The following RBFOX1 variants were observed in gnomAD, a reference collection of about 807,000 sequenced individuals.
RBFOX1 encodes the protein RNA binding fox-1 homolog 1.
In RBFOX1, 8 loss-of-function variants were observed where a neutral mutation model predicts 57.7. That is an observed-to-expected ratio of 0.14 (90% CI 0.08 to 0.25). RBFOX1 has a LOEUF of 0.25. Ranked by LOEUF, RBFOX1 falls within the 10% of genes least tolerant of loss-of-function variation. The probability of loss-of-function intolerance (pLI) is 1.00; values close to 1 mark genes in which losing one functional copy is unlikely to be tolerated. For missense variants in RBFOX1, 611 were observed against 548.5 expected (o/e 1.11, Z -1.14); for synonymous variants, 326 against 222.4 (o/e 1.47, Z -4.15).
chr16:6,339,851 C>G (rs1001128355), intron 2 of RBFOX1, among the ~76,000 whole-genome samples: 3 of 151,114 alleles, frequency 2.0e-5, no homozygotes. Context: ...TTTTTTATTT[C>G]TATTTTTAGT....
chr16:5,371,495 C>G (rs114620333), intron 1 of RBFOX1, among the ~76,000 whole-genome samples: 1,523 of 152,280 alleles, frequency 0.01, 29 homozygotes, highest in African/African-American at 0.035. Context: ...CTGTGCAACA[C>G]AAATCTCTGT....
At chr16:6,905,652 T>G (rs902517576) in intron 3 of RBFOX1, among the ~76,000 whole-genome samples, 3 of 152,082 alleles carry the variant, frequency 2.0e-5, no homozygotes, top group Admixed American at 6.5e-5. Context: ...TTAGCAACAT[T>G]GCCCCCACCA....
intron 4 of RBFOX1, among the ~76,000 whole-genome samples, chr16:5,994,814 T>C (rs1204254331): frequency 6.6e-6 from 1 of 152,198 alleles, no homozygotes; most frequent in African/African-American, 2.4e-5. Flanking sequence ...TTCTCCACTA[T>C]ATTTCAGGGC....
At chr16:5,769,450 G>A (rs552757545) in intron 3 of RBFOX1, among the ~76,000 whole-genome samples, 1 of 150,880 alleles carries the variant, frequency 6.6e-6, no homozygotes, top group African/African-American at 2.4e-5. Context: ...AAACCAGCCT[G>A]GCCAACATGA....
At chr16:7,627,023 A>G (rs1462431526) in intron 10 of RBFOX1, among the ~76,000 whole-genome samples, 2 of 152,022 alleles carry the variant, frequency 1.3e-5, no homozygotes, top group Non-Finnish European at 2.9e-5. Context: ...GCAAGATAAG[A>G]GCATAGTGTA....
rs527404893 is a variant in RBFOX1, at chr16:7,006,159, TA to T, written c.-15-45897del. On this transcript the variant is annotated intron_variant, in intron 3 of 15. Transcript: ENST00000550418. ...ATGTCATTAAATTTATTTATTTATT[TA>T]TTTTTTTTTGAGATGGAGTCTCACT... is the stretch of plus-strand genomic sequence containing the variant. 2.0e-3 allele frequency among the ~76,000 whole-genome samples: 307 copies of T among 152,214 alleles called. 1 individual carries two copies. Among genetic ancestry groups the T allele is most frequent in the African/African-American group, 6.3e-3 (263 of 41,522 alleles).
At chr16:7,706,134 C>G (rs927187629) in intron 14 of RBFOX1, among the ~76,000 whole-genome samples, 3 of 152,176 alleles carry the variant, frequency 2.0e-5, no homozygotes, top group Non-Finnish European at 1.5e-5. Context: ...CTCAAGTCCA[C>G]ATCTTCCCCA....
intron 4 of RBFOX1, among the ~76,000 whole-genome samples, chr16:7,396,103 G>A (rs2098134566): frequency 6.6e-6 from 1 of 152,054 alleles, no homozygotes; most frequent in African/African-American, 2.4e-5. Context: ...TAAGTGTCAG[G>A]GGAGGGGATT....
At chr16:6,315,435 A>AGATG (rs1472165012) in intron 1 of RBFOX1, among the ~76,000 whole-genome samples, 1 of 140,274 alleles carries the variant, frequency 7.1e-6, no homozygotes, top group East Asian at 2.2e-4. Context: ...ATGGGTGGGT[A>AGATG]GATGGATGGA....
At chr16:5,969,450 T>C (rs980547189) in intron 4 of RBFOX1, among the ~76,000 whole-genome samples, 2 of 150,932 alleles carry the variant, frequency 1.3e-5, no homozygotes, top group Non-Finnish European at 3.0e-5. Context: ...TAGCTGGGAT[T>C]ACAGGCACAT....
At chr16:6,558,925 C>G (rs1053216699) in intron 2 of RBFOX1, among the ~76,000 whole-genome samples, 1 of 152,112 alleles carries the variant, frequency 6.6e-6, no homozygotes, top group Non-Finnish European at 1.5e-5. Context: ...CCTGCCTCAC[C>G]ACAACCTTTG....
intron 1 of RBFOX1, among the ~76,000 whole-genome samples, chr16:5,387,483 G>A (rs546979670): frequency 6.6e-6 from 1 of 152,194 alleles, no homozygotes; most frequent in Admixed American, 6.5e-5. Flanking sequence ...GGCTACTGCT[G>A]CTCCAGTTAT....
chr16:5,668,034 A>G (rs2049901986), intron 3 of RBFOX1, among the ~76,000 whole-genome samples: 1 of 152,140 alleles, frequency 6.6e-6, no homozygotes, highest in Admixed American at 6.5e-5. Context: ...AAAAAATTCC[A>G]ACAACCACAT....
At position 5,464,600 on chromosome 16, in the gene RBFOX1, C is replaced by A. The variant is rs149579480; in HGVS notation, c.220-2616C>A. On this transcript the variant is annotated intron_variant, in intron 1 of 2. Transcript: ENST00000585867. ...TTTATGTGGATTTTTTTGCAGCTCTCTCAGTACAGTGTTCTCCTCCCCAGA... is the reference window on the plus strand; with the variant it reads ...TTTATGTGGATTTTTTTGCAGCTCTATCAGTACAGTGTTCTCCTCCCCAGA... 8.3e-4 allele frequency among the ~76,000 whole-genome samples: 123 copies of A among 148,514 alleles called. 1 individual carries two copies. The East Asian group carries it at 0.023, about 28-fold the overall frequency.
chr16:7,250,636 A>G (rs2094468904), intron 4 of RBFOX1, among the ~76,000 whole-genome samples: 1 of 152,252 alleles, frequency 6.6e-6, no homozygotes, highest in African/African-American at 2.4e-5. Context: ...CTGAGCAAGC[A>G]TTTAGAGGAG....
chr16:5,444,677 G>C (rs943361107), intron 1 of RBFOX1, among the ~76,000 whole-genome samples: 1 of 152,102 alleles, frequency 6.6e-6, no homozygotes, highest in African/African-American at 2.4e-5. Flanking sequence ...ATTTTTACAA[G>C]GGAAAAATAT....
At chr16:7,007,628 G>A (rs1301724222) in intron 3 of RBFOX1, among the ~76,000 whole-genome samples, 2 of 152,158 alleles carry the variant, frequency 1.3e-5, no homozygotes, top group South Asian at 2.1e-4. Flanking sequence ...TTCTTTCAAT[G>A]TAAATGTACG....
chr16:6,239,236 G>C (rs2097526798), intron 1 of RBFOX1, among the ~76,000 whole-genome samples: 2 of 152,068 alleles, frequency 1.3e-5, no homozygotes, highest in South Asian at 2.1e-4. Context: ...CTTGTGCTTT[G>C]CTTTGATGTT....
At chr16:6,840,453 C>G (rs1338240256) in intron 3 of RBFOX1, among the ~76,000 whole-genome samples, 1 of 152,098 alleles carries the variant, frequency 6.6e-6, no homozygotes, top group Non-Finnish European at 1.5e-5. Context: ...GTAGAATTAA[C>G]TGCTATTGGC....
Sources: gnomAD v4.1 joint callset for allele counts (sites outside exome capture counted in the v4.1 genomes callset) on GRCh38, gnomAD v4.1.1 for gene constraint, MANE v1.5 for transcripts, NCBI Gene and HGNC (gene_info 2026-07-23, HGNC 2026-07-21) for gene names.